Variants in EMC10 observed in about 807,000 individuals in gnomAD.
EMC10 encodes the protein UPF0510 protein INM02.
EMC10 carries 40 observed loss-of-function variants against 32.2 expected under a neutral mutation model. The ratio of observed to expected loss-of-function variants is 1.24; its 90% CI spans 0.96 to 1.61. EMC10 has a LOEUF of 1.61. Ranked by LOEUF, EMC10 falls within the 40% of genes most tolerant of loss-of-function variation. EMC10 has a pLI of 0.00. For missense variants in EMC10, 402 were observed against 357.7 expected (o/e 1.12, Z -1.00); for synonymous variants, 178 against 158.4 (o/e 1.12, Z -0.93).
rs1332813426 is a variant in EMC10, at chr19:50,480,237, G to T, written c.402+22G>T. The T allele has an allele frequency of 1.2e-6, 2 of 1,600,700 alleles. No individual in the cohort carries two copies. Among genetic ancestry groups the T allele is most frequent in the East Asian group, 2.2e-5 (1 of 44,678 alleles). On this transcript the variant is annotated intron_variant, in intron 4 of 6. Coordinates refer to ENST00000334976, the MANE Select transcript of EMC10 (RefSeq NM_206538.4). This position sits in a 1 kb window ranked among gnomAD's most constrained non-coding sequence, Gnocchi z 4.4. ...TGCGGTGAGTTGGTGTCGGGGATGAGCCCCCTTCTCCCTCGTCCTCCTCAT... is the reference window on the plus strand; with the variant it reads ...TGCGGTGAGTTGGTGTCGGGGATGATCCCCCTTCTCCCTCGTCCTCCTCAT...
chr19:50,483,877 T>G lies in EMC10; in HGVS notation c.*1618T>G, dbSNP rs1302236389. 2 of 151,288 alleles carry G rather than the reference T, an allele frequency of 1.3e-5. No individual in the cohort carries two copies. The highest frequency in any genetic ancestry group is 2.4e-5 in the African/African-American group (1 of 41,170). 9.4% of individuals were successfully genotyped at this position (151,288 alleles called of 1,614,324 possible). A position where few individuals can be genotyped will look rare whatever the true frequency, so the allele number is the denominator to read the frequency against. On this transcript the variant is annotated 3_prime_UTR_variant, in exon 7 of 7. Coordinates refer to ENST00000334976, the MANE Select transcript of EMC10 (RefSeq NM_206538.4). ...GCGCCTGGCCTATTTTTGGTAACTTTAATAAAGAAGATAGTCTTAGCATTG... is the reference window on the plus strand; with the variant it reads ...GCGCCTGGCCTATTTTTGGTAACTTGAATAAAGAAGATAGTCTTAGCATTG...
chr19:50,476,855 GAGGACAAGCGCAC>G lies in EMC10; in HGVS notation c.114+198_114+210del, dbSNP rs1259008627. The G allele has an allele frequency of 1.3e-5, 6 of 474,400 alleles. No individual in the cohort carries two copies. The Admixed American group carries it at 1.6e-4, about 12-fold the overall frequency. 29.4% of individuals were successfully genotyped at this position (474,400 alleles called of 1,614,324 possible). A position where few individuals can be genotyped will look rare whatever the true frequency, so the allele number is the denominator to read the frequency against. ...GCACCGGGTTGCAAGGACTGGGTGG[GAGGACAAGCGCAC>G]CTGTCGGAAGGCTCTGGCTCGGGAA... On this transcript the variant is annotated intron_variant, in intron 1 of 6. Coordinates refer to ENST00000334976, the MANE Select transcript of EMC10 (RefSeq NM_206538.4).
Position 50,480,845 on chromosome 19 carries a change from T to C in EMC10, c.585-39T>C, listed in dbSNP as rs777480440. On this transcript the variant is annotated intron_variant, in intron 5 of 6. Transcript: ENST00000334976. The surrounding 1 kb of genome is among the most constrained non-coding windows in gnomAD (Gnocchi z 4.4). ...CCTCAGGGTCTCCAGGTCCCTGGACTCCGGGCCTCACCCTTCTCCTCCTCT... is the reference window on the plus strand; with the variant it reads ...CCTCAGGGTCTCCAGGTCCCTGGACCCCGGGCCTCACCCTTCTCCTCCTCT... 6.3e-7 allele frequency: 1 copy of C among 1,576,344 alleles called. No homozygotes were observed. Among genetic ancestry groups the C allele is most frequent in the East Asian group, 2.3e-5 (1 of 44,376 alleles).
Position 50,486,175 on chromosome 19 carries a change from T to C in EMC10, c.*3916T>C, listed in dbSNP as rs1047513288. 1 of 151,642 alleles carries C rather than the reference T, an allele frequency of 6.6e-6. No individual in the cohort carries two copies. The highest frequency in any genetic ancestry group is 2.4e-5 in the African/African-American group (1 of 41,244). The allele number at this position is 151,642 out of a possible 1,614,324, so 9.4% of individuals were successfully genotyped here. ...TGTCTACTGGAAACTATAGGCTCCT[T>C]TTTTTTTGGTGGGTGGGGGGCAGGT... On this transcript the variant is annotated 3_prime_UTR_variant, in exon 7 of 7. Coordinates refer to ENST00000334976, the MANE Select transcript of EMC10 (RefSeq NM_206538.4).
Position 50,490,683 on chromosome 19 carries a change from C to T in EMC10, c.*8424C>T, listed in dbSNP as rs1198631884. 1 of 152,110 alleles carries T rather than the reference C, an allele frequency of 6.6e-6. No homozygotes were observed. The highest frequency in any genetic ancestry group is 2.4e-5 in the African/African-American group (1 of 41,388). The allele number at this position is 152,110 out of a possible 1,614,324, so 9.4% of individuals were successfully genotyped here. On this transcript the variant is annotated 3_prime_UTR_variant, in exon 7 of 7. Coordinates refer to ENST00000334976, the MANE Select transcript of EMC10 (RefSeq NM_206538.4). ...TGCCCTCCGCCTAGTCCCTGACATC[C>T]TTTTCACATCCAACACGCAGAGCAG...
intron 3 of EMC10, 146 bp from the exon 4 acceptor site, chr19:50,479,965 G>C: frequency 1.5e-6 from 1 of 650,738 alleles, no homozygotes; most frequent in Non-Finnish European, 2.6e-6. Context: ...AGAGTCCTGG[G>C]TCGACTCAGG....
chr19:50,478,310 C>G (rs1013378543), intron 2 of EMC10, among the ~76,000 whole-genome samples: 2 of 152,230 alleles, frequency 1.3e-5, no homozygotes, highest in Non-Finnish European at 2.9e-5. Context: ...CTCAGATGTC[C>G]TCACAGCAGC....
Position 50,482,379 on chromosome 19 carries a change from A to G in EMC10, c.*120A>G, listed in dbSNP as rs963691804. The G allele has an allele frequency of 3.3e-6, 2 of 611,774 alleles. No homozygotes were observed. The highest frequency in any genetic ancestry group is 3.9e-5 in the South Asian group (2 of 51,846). 37.9% of individuals were successfully genotyped at this position (611,774 alleles called of 1,614,324 possible). Reference sequence around the variant, plus strand: ...CTGGTCCCTCCTTTCCCCCCGTCCCACGAGGCCACCTGGGCCAGCCCCTTG... The same window carrying G: ...CTGGTCCCTCCTTTCCCCCCGTCCCGCGAGGCCACCTGGGCCAGCCCCTTG... On this transcript the variant is annotated 3_prime_UTR_variant, in exon 7 of 7. Transcript: ENST00000334976.
At chr19:50,476,707 A>G (rs2122652684) in intron 1 of EMC10, 49 bp downstream of exon 1, 3 of 1,210,948 alleles carry the variant, frequency 2.5e-6, no homozygotes, top group Non-Finnish European at 3.3e-6. Flanking sequence ...CGGATGTCGC[A>G]GGTCTTGGGT....
Position 50,488,212 on chromosome 19 carries a change from C to A in EMC10, c.*5953C>A, listed in dbSNP as rs1161941645. On this transcript the variant is annotated 3_prime_UTR_variant, in exon 7 of 7. Transcript: ENST00000334976. The stretch of plus-strand genomic sequence containing the variant: ...TCGGGAGGCTGAGGCAGGAGAATGG[C>A]GTGAACCCTGGAGGCGGAGCTTGCA... 2 of 135,944 alleles carry A rather than the reference C, an allele frequency of 1.5e-5. No individual in the cohort carries two copies. Among genetic ancestry groups the A allele is most frequent in the Admixed American group, 1.7e-4 (2 of 11,748 alleles). 8.4% of individuals were successfully genotyped at this position (135,944 alleles called of 1,614,324 possible).
chr19:50,479,824 C>T (rs2040288544), intron 3 of EMC10, among the ~76,000 whole-genome samples: 1 of 152,264 alleles, frequency 6.6e-6, no homozygotes, highest in Non-Finnish European at 1.5e-5. Context: ...GATCCAGGCA[C>T]AGGGAAGGCG....
At position 50,480,496 on chromosome 19, in the gene EMC10, G is replaced by T; in HGVS notation, c.403-85G>T. The T allele has an allele frequency of 6.9e-7, 1 of 1,458,778 alleles. No individual in the cohort carries two copies. Among genetic ancestry groups the T allele is most frequent in the Non-Finnish European group, 9.2e-7 (1 of 1,083,700 alleles). 90.4% of individuals were successfully genotyped at this position (1,458,778 alleles called of 1,614,324 possible). A position where few individuals can be genotyped will look rare whatever the true frequency, so the allele number is the denominator to read the frequency against. ...GGGAAGGTTTTGAAAAATGCTCCGG[G>T]GGTCCTGTGGTGGGGGCCGGGGGAG... On this transcript the variant is annotated intron_variant, in intron 4 of 6. Coordinates refer to ENST00000334976, the MANE Select transcript of EMC10 (RefSeq NM_206538.4). The surrounding 1 kb of genome is among the most constrained non-coding windows in gnomAD (Gnocchi z 4.4).
At position 50,483,035 on chromosome 19, in the gene EMC10, C is replaced by T. The variant is rs761588841; in HGVS notation, c.*776C>T. 5.4e-6 allele frequency: 3 copies of T among 554,388 alleles called. No homozygotes were observed. The highest frequency in any genetic ancestry group is 4.7e-5 in the South Asian group (3 of 64,248). 34.3% of individuals were successfully genotyped at this position (554,388 alleles called of 1,614,324 possible). A position where few individuals can be genotyped will look rare whatever the true frequency, so the allele number is the denominator to read the frequency against. On this transcript the variant is annotated 3_prime_UTR_variant, in exon 7 of 7. Coordinates refer to ENST00000334976, the MANE Select transcript of EMC10 (RefSeq NM_206538.4). ...ACCCCCTCCACCACCCCCCGCCGCC[C>T]AGCATCCTACCTGGACTGCGGTGCT...
rs1452937996 is a variant in EMC10 at position 50,489,109 on chromosome 19, G to T, written c.*6850G>T. ...GGAGAGGGCTGGAGAGAGAAGGGAAGTTAAGAAGGGAAGGAGAGAGACAGA... is the reference window on the plus strand; with the variant it reads ...GGAGAGGGCTGGAGAGAGAAGGGAATTTAAGAAGGGAAGGAGAGAGACAGA... On this transcript the variant is annotated 3_prime_UTR_variant, in exon 7 of 7. Transcript: ENST00000334976. 6.6e-6 allele frequency: 1 copy of T among 151,820 alleles called. No individual in the cohort carries two copies. Among genetic ancestry groups the T allele is most frequent in the Non-Finnish European group, 1.5e-5 (1 of 68,084 alleles). 9.4% of individuals were successfully genotyped at this position (151,820 alleles called of 1,614,324 possible).
intron 3 of EMC10, among the ~76,000 whole-genome samples, chr19:50,479,814 G>T (rs950254370): frequency 7.2e-5 from 11 of 152,238 alleles, no homozygotes; most frequent in Admixed American, 3.3e-4. Flanking sequence ...GGTGCAGCTG[G>T]ATCCAGGCAC....
In EMC10 at chr19:50,487,566, T is replaced by C. The variant is rs1978410838; in HGVS notation, c.*5307T>C. 6.6e-6 allele frequency: 1 copy of C among 152,384 alleles called. No homozygotes were observed. The highest frequency in any genetic ancestry group is 2.4e-5 in the African/African-American group (1 of 41,470). 9.4% of individuals were successfully genotyped at this position (152,384 alleles called of 1,614,324 possible). A position where few individuals can be genotyped will look rare whatever the true frequency, so the allele number is the denominator to read the frequency against. The stretch of plus-strand genomic sequence containing the variant: ...TCTGTCCACTCCTGGGCCTCAGGCT[T>C]GGGGGCCCTGCTCAGGGCTAGCCTG... On this transcript the variant is annotated 3_prime_UTR_variant, in exon 7 of 7. Coordinates refer to ENST00000334976, the MANE Select transcript of EMC10 (RefSeq NM_206538.4).
rs1568691164 is a variant in EMC10 at position 50,488,642 on chromosome 19, G to GGAAAGA, written c.*6389_*6394dup. 6.6e-6 allele frequency: 1 copy of GGAAAGA among 151,596 alleles called. No individual in the cohort carries two copies. Among genetic ancestry groups the GGAAAGA allele is most frequent in the African/African-American group, 2.4e-5 (1 of 41,008 alleles). The allele number at this position is 151,596 out of a possible 1,614,324, so 9.4% of individuals were successfully genotyped here. A position where few individuals can be genotyped will look rare whatever the true frequency, so the allele number is the denominator to read the frequency against. Reference sequence around the variant, plus strand: ...AGCGGGGAGCTCCAGCCAGAGAAGAGGAAAGAGAAAGGAGAGAGCTAGGAA... The same window carrying GGAAAGA: ...AGCGGGGAGCTCCAGCCAGAGAAGAGGAAAGAGAAAGAGAAAGGAGAGAGCTAGGAA... On this transcript the variant is annotated 3_prime_UTR_variant, in exon 7 of 7. Transcript: ENST00000334976.
Position 50,480,582 on chromosome 19 carries a change from G to T in EMC10, c.404G>T (p.Cys135Phe). 4 of 1,553,720 alleles carry T rather than the reference G, an allele frequency of 2.6e-6. No individual in the cohort carries two copies. Among genetic ancestry groups the T allele is most frequent in the Non-Finnish European group, 3.5e-6 (4 of 1,148,600 alleles). ...GGYVSSFVPA[C>F]SLVESHLSDQ... is the part of the protein sequence containing the mutation. ...CCACTGACCCCACTCCCCCCACAGT[G>T]CTCCCTGGTGGAGTCGCACCTGTCG... The change falls in exon 5 of 7, where the codon TGC (cysteine) becomes TTC (phenylalanine). Residue 135 changes from cysteine (C) to phenylalanine (F), a missense_variant and splice_region_variant. Transcript: ENST00000334976. This position sits in a 1 kb window ranked among gnomAD's most constrained non-coding sequence, Gnocchi z 4.4.
rs1328581098 is a variant in EMC10 at position 50,487,969 on chromosome 19, AGAGGAGG to A, written c.*5717_*5723del. The A allele has an allele frequency of 3.3e-5, 5 of 150,374 alleles. No homozygotes were observed. The East Asian group carries it at 5.9e-4, about 18-fold the overall frequency. The allele number at this position is 150,374 out of a possible 1,614,324, so 9.3% of individuals were successfully genotyped here. A position where few individuals can be genotyped will look rare whatever the true frequency, so the allele number is the denominator to read the frequency against. ...AAATCAAACAGGAGAAAGAGGGAGG[AGAGGAGG>A]GAGGAGAGAGTGTAGGAAAAAAGCA... On this transcript the variant is annotated 3_prime_UTR_variant, in exon 7 of 7. Coordinates refer to ENST00000334976, the MANE Select transcript of EMC10 (RefSeq NM_206538.4).
Sources: gnomAD v4.1 joint callset for allele counts (sites outside exome capture counted in the v4.1 genomes callset) on GRCh38, gnomAD v4.1.1 for gene constraint, Gnocchi (gnomAD v3.1) non-coding constraint, MANE v1.5 for transcripts, NCBI Gene and HGNC (gene_info 2026-07-23, HGNC 2026-07-21) for gene names.